CLEC3A: variants seen among roughly 807,000 people sequenced by gnomAD.
CLEC3A encodes the protein C-type lectin domain family 3 member A.
Under a neutral mutation model 20.4 loss-of-function variants are expected in CLEC3A, and 28 were observed. That is an observed-to-expected ratio of 1.37 (90% CI 1.02 to 1.88). The LOEUF (loss-of-function observed/expected upper bound fraction) is 1.88, where lower values mean the gene tolerates loss of function less well. Ranked by LOEUF, CLEC3A falls within the 40% of genes most tolerant of loss-of-function variation. The pLI is 0.00. For synonymous variants in CLEC3A, 110 were observed against 88.1 expected (o/e 1.25, Z -1.39); for missense variants, 357 against 240.4 (o/e 1.48, Z -3.21).
chr16:78,024,017 A>C lies in CLEC3A; in HGVS notation c.115+1276A>C, dbSNP rs543599776. On this transcript the variant is annotated intron_variant, in intron 1 of 2. Transcript: ENST00000299642. The stretch of plus-strand genomic sequence containing the variant: ...CGTGATTCGTCAGCCTCGGCCTCCC[A>C]AAGTGCTGGAATTACAGGCGTGAGC... Among the ~76,000 whole-genome samples the C allele has an allele frequency of 2.0e-5, 3 of 152,220 alleles. No homozygotes were observed. In the South Asian group the frequency reaches 6.2e-4, roughly 32 times the overall value.
intron 2 of CLEC3A, among the ~76,000 whole-genome samples, chr16:78,029,891 C>T (rs779424594): frequency 6.6e-6 from 1 of 152,064 alleles, no homozygotes; most frequent in African/African-American, 2.4e-5. Context: ...CAGTGGCTCA[C>T]GCCTGTAATC....
At chr16:78,028,221 C>T (rs998990723) in intron 2 of CLEC3A, 31 bp downstream of exon 2, 4 of 1,471,992 alleles carry the variant, frequency 2.7e-6, no homozygotes, top group East Asian at 2.5e-5. Context: ...GTGCCTTGTC[C>T]CAAAGGAGAC....
At chr16:78,030,417 C>A (rs199889443) in intron 2 of CLEC3A, 30 bp from the exon 3 acceptor site, 3 of 1,552,862 alleles carry the variant, frequency 1.9e-6, no homozygotes, top group Admixed American at 3.8e-5. Context: ...CAAAATGCAT[C>A]TTAATATGTT....
At chr16:78,022,859 C>T (rs2018767702) in intron 1 of CLEC3A, 118 bp downstream of exon 1, 2 of 1,042,664 alleles carry the variant, frequency 1.9e-6, no homozygotes, top group Non-Finnish European at 2.8e-6. Flanking sequence ...ACCATGCCAT[C>T]ATCCCTATAT....
At chr16:78,028,777 G>A (rs986752276) in intron 2 of CLEC3A, among the ~76,000 whole-genome samples, 4 of 152,208 alleles carry the variant, frequency 2.6e-5, no homozygotes, top group Non-Finnish European at 5.9e-5. Flanking sequence ...TCAAAAGCAA[G>A]GTGTTGAGGT....
Position 78,022,730 on chromosome 16 carries a change from G to A in CLEC3A, c.104G>A (p.Arg35His), listed in dbSNP as rs556562141. Residue 35 changes from arginine to histidine, a missense_variant, in exon 1 of 3, where the codon CGT (arginine) becomes CAT (histidine). Coordinates refer to ENST00000299642, the MANE Select transcript of CLEC3A (RefSeq NM_005752.6). ...TTAAAAGCCAGGAAGCACAGCAAAC[G>A]TCGAGTGAGAGGTAATGGGGCTTCT... ...SRLKARKHSK[R>H]RVRDKDGDLK... 4.3e-6 allele frequency: 7 copies of A among 1,614,032 alleles called. No homozygotes were observed. The highest frequency in any genetic ancestry group is 2.2e-5 in the East Asian group (1 of 44,888).
chr16:78,029,099 G>A (rs886698072), intron 2 of CLEC3A: 1 of 455,252 alleles, frequency 2.2e-6, no homozygotes, highest in African/African-American at 2.0e-5. Flanking sequence ...AGCAACTTAA[G>A]CTATTATGAT....
chr16:78,024,262 G>C (rs964339718), intron 1 of CLEC3A, among the ~76,000 whole-genome samples: 1 of 152,150 alleles, frequency 6.6e-6, no homozygotes, highest in Non-Finnish European at 1.5e-5. Context: ...CACTCCTCGT[G>C]AGAGTGGCGA....
Position 78,031,866 on chromosome 16 carries a change from T to C in CLEC3A, c.*1025T>C, listed in dbSNP as rs1296862859. ...GTGCTATTCTGCTTGTTTAACTAGA[T>C]TGTACAAAATAACTTCATTGCTTAA... On this transcript the variant is annotated 3_prime_UTR_variant, in exon 3 of 3. Transcript: ENST00000299642. 6.6e-6 allele frequency: 1 copy of C among 152,282 alleles called. No individual in the cohort carries two copies. The highest frequency in any genetic ancestry group is 2.4e-5 in the African/African-American group (1 of 41,448). The allele number at this position is 152,282 out of a possible 1,614,324, so 9.4% of individuals were successfully genotyped here.
intron 1 of CLEC3A, among the ~76,000 whole-genome samples, chr16:78,025,643 C>A (rs1007885432): frequency 6.6e-6 from 1 of 152,160 alleles, no homozygotes; most frequent in African/African-American, 2.4e-5. Flanking sequence ...AAAATAGCAA[C>A]CGAAGAATTT....
intron 2 of CLEC3A, among the ~76,000 whole-genome samples, 153 bp downstream of exon 2, chr16:78,028,343 A>C (rs550837525): frequency 6.6e-6 from 1 of 152,360 alleles, no homozygotes; most frequent in Non-Finnish European, 1.5e-5. Context: ...TGTTTTAGGA[A>C]ATCAGCTTCA....
At position 78,030,656 on chromosome 16, in the gene CLEC3A, A is replaced by C; in HGVS notation, c.409A>C (p.Thr137Pro). 6.2e-7 allele frequency: 1 copy of C among 1,614,150 alleles called. No homozygotes were observed. The highest frequency in any genetic ancestry group is 8.5e-7 in the Non-Finnish European group (1 of 1,180,030). ...TTGGCTGGGCATCAATGACATGGTCACGGAAGGCAAGTTTGTTGACGTCAA... is the reference window on the plus strand; with the variant it reads ...TTGGCTGGGCATCAATGACATGGTCCCGGAAGGCAAGTTTGTTGACGTCAA... Reference protein sequence around the residue: ...DFWLGINDMVTEGKFVDVNGI... With the variant: ...DFWLGINDMVPEGKFVDVNGI... The change falls in exon 3 of 3, where the codon ACG (threonine) becomes CCG (proline). Residue 137 changes from threonine (T) to proline (P), a missense_variant. By Grantham distance (38) the Thr-to-Pro change is conservative. Transcript: ENST00000299642.
At chr16:78,028,311 G>T in intron 2 of CLEC3A, 121 bp downstream of exon 2, 1 of 645,838 alleles carries the variant, frequency 1.5e-6, no homozygotes, top group Non-Finnish European at 2.5e-6. Flanking sequence ...CCAATAAGAG[G>T]GCCCCAATGC....
intron 1 of CLEC3A, among the ~76,000 whole-genome samples, chr16:78,022,984 T>C (rs2018769133): frequency 6.6e-6 from 1 of 152,118 alleles, no homozygotes; most frequent in Non-Finnish European, 1.5e-5. Context: ...AGTAAAAGAA[T>C]TCTGTGTTGT....
At chr16:78,022,787 T>G (rs754146134) in intron 1 of CLEC3A, 46 bp downstream of exon 1, 1 of 1,602,408 alleles carries the variant, frequency 6.2e-7, no homozygotes, top group Admixed American at 1.7e-5. Flanking sequence ...TTAGACAGTG[T>G]GGGGAGGTGC....
chr16:78,032,071 C>G lies in CLEC3A; in HGVS notation c.*1230C>G, dbSNP rs1461810102. The G allele has an allele frequency of 6.6e-6, 1 of 152,516 alleles. No individual in the cohort carries two copies. Among genetic ancestry groups the G allele is most frequent in the Non-Finnish European group, 1.5e-5 (1 of 68,024 alleles). The allele number at this position is 152,516 out of a possible 1,614,324, so 9.4% of individuals were successfully genotyped here. A position where few individuals can be genotyped will look rare whatever the true frequency, so the allele number is the denominator to read the frequency against. ...AATTAAGTTTTAGCTGTTTTCATTG[C>G]TCAATAATAAAGCCTGAATTCTGAT... On this transcript the variant is annotated 3_prime_UTR_variant, in exon 3 of 3. Coordinates refer to ENST00000299642, the MANE Select transcript of CLEC3A (RefSeq NM_005752.6).
At chr16:78,025,412 T>C (rs564866626) in intron 1 of CLEC3A, among the ~76,000 whole-genome samples, 3 of 152,212 alleles carry the variant, frequency 2.0e-5, no homozygotes, top group African/African-American at 7.2e-5. Context: ...AGAAGTAAAA[T>C]TGCAGGTTAA....
intron 1 of CLEC3A, among the ~76,000 whole-genome samples, chr16:78,026,072 C>T (rs1376942367): frequency 6.6e-6 from 1 of 152,108 alleles, no homozygotes; most frequent in East Asian, 1.9e-4. Flanking sequence ...TGAATGCACC[C>T]TTACATTTTT....
intron 2 of CLEC3A, among the ~76,000 whole-genome samples, chr16:78,028,617 G>C (rs1249967789): frequency 1.3e-5 from 2 of 152,250 alleles, no homozygotes; most frequent in South Asian, 2.1e-4. Context: ...GGCAGCGCCA[G>C]CGTTCCTCCC....
Sources: gnomAD v4.1 joint callset for allele counts (sites outside exome capture counted in the v4.1 genomes callset) on GRCh38, gnomAD v4.1.1 for gene constraint, MANE v1.5 for transcripts, NCBI Gene and HGNC (gene_info 2026-07-23, HGNC 2026-07-21) for gene names.